The following CNTNAP4 variants were observed in gnomAD, a reference collection of about 807,000 sequenced individuals.
CNTNAP4 encodes contactin-associated protein-like 4.
A neutral mutation model predicts 148.4 loss-of-function variants in CNTNAP4; 98 were observed. That is an observed-to-expected ratio of 0.66 (90% CI 0.56 to 0.78). The LOEUF (loss-of-function observed/expected upper bound fraction) is 0.78. Among genes scored for constraint, CNTNAP4 ranks in the 30% least tolerant of loss-of-function variants. The pLI, the probability that CNTNAP4 is intolerant of heterozygous loss-of-function variation, is 0.00. For missense variants in CNTNAP4, 1,935 were observed against 1,565.6 expected, an observed-to-expected ratio of 1.24 and a Z score of -3.98; for synonymous variants, 730 against 565.1, an observed-to-expected ratio of 1.29 and a Z score of -4.14.
At chr16:76,415,683 C>G (rs13333507) in intron 3 of CNTNAP4, among the ~76,000 whole-genome samples, 57,133 of 150,580 alleles carry the variant, frequency 0.38, 11,037 homozygotes, top group Middle Eastern at 0.49. Flanking sequence ...CATCACCCAA[C>G]AGTTCCTTCA....
chr16:76,421,334 TATACGTGCAGCTCAAA>T (rs1381458071), intron 3 of CNTNAP4, among the ~76,000 whole-genome samples: 2 of 152,078 alleles, frequency 1.3e-5, no homozygotes, highest in Non-Finnish European at 2.9e-5. Context: ...TGAGATGTAT[TATACGTGCAGCTCAAA>T]ACTTAACATT....
intron 2 of CNTNAP4, among the ~76,000 whole-genome samples, chr16:76,334,987 G>A (rs1438748825): frequency 6.6e-6 from 1 of 152,032 alleles, no homozygotes; most frequent in African/African-American, 2.4e-5. Context: ...GTATTGTGTT[G>A]TAGATTGGAA....
At chr16:76,385,365 A>G (rs2016415152) in intron 3 of CNTNAP4, among the ~76,000 whole-genome samples, 1 of 152,234 alleles carries the variant, frequency 6.6e-6, no homozygotes, top group Non-Finnish European at 1.5e-5. Context: ...TTAAGATAGG[A>G]TAAAAATACC....
At chr16:76,525,155 C>T (rs1335410358) in intron 17 of CNTNAP4, among the ~76,000 whole-genome samples, 34 of 151,944 alleles carry the variant, frequency 2.2e-4, no homozygotes, top group Admixed American at 2.2e-3. Context: ...TACAACATTA[C>T]TATCACACAA....
intron 1 of CNTNAP4, among the ~76,000 whole-genome samples, chr16:76,286,136 G>T (rs1267887050): frequency 6.6e-6 from 1 of 151,042 alleles, no homozygotes; most frequent in Non-Finnish European, 1.5e-5. Context: ...GATTGAAAGT[G>T]GTCTTTAAGG....
At chr16:76,341,548 G>C (rs988612060) in intron 2 of CNTNAP4, among the ~76,000 whole-genome samples, 8 of 152,112 alleles carry the variant, frequency 5.3e-5, no homozygotes, top group Non-Finnish European at 1.2e-4. Context: ...TTTTCAGTCC[G>C]AATGAATGGA....
chr16:76,449,409 TAAAA>T (rs1203447773), intron 6 of CNTNAP4, among the ~76,000 whole-genome samples: 3 of 152,188 alleles, frequency 2.0e-5, no homozygotes, highest in African/African-American at 7.2e-5. Flanking sequence ...GTATCTAAAA[TAAAA>T]TATTATAATT....
rs2083528996 is a variant in CNTNAP4, at chr16:76,522,704, TTCTTTTCTTTTCTTTTC to T, written c.2755+449_2755+465del. Among the ~76,000 whole-genome samples, 2 of 27,974 alleles carry T rather than the reference TTCTTTTCTTTTCTTTTC, an allele frequency of 7.1e-5. 1 individual carries two copies. Among genetic ancestry groups the T allele is most frequent in the Admixed American group, 8.3e-4 (2 of 2,400 alleles). The allele number at this position is 27,974 out of a possible 152,430, so 18.4% of individuals were successfully genotyped here. A position where few individuals can be genotyped will look rare whatever the true frequency, so the allele number is the denominator to read the frequency against. The stretch of plus-strand genomic sequence containing the variant: ...TTTCTCTCCTTTCTTTTCTTTTCTT[TTCTTTTCTTTTCTTTTC>T]TTTTCTTTTCTTTTCTTTTCTTTTC... On this transcript the variant is annotated intron_variant, in intron 17 of 23. Transcript: ENST00000611870.
At chr16:76,471,012 A>T (rs539135273) in intron 10 of CNTNAP4, among the ~76,000 whole-genome samples, 2 of 151,112 alleles carry the variant, frequency 1.3e-5, no homozygotes, top group Admixed American at 1.3e-4. Flanking sequence ...ACACACAACC[A>T]TCCTTTTACA....
intron 17 of CNTNAP4, 88 bp downstream of exon 17, chr16:76,522,345 G>A (rs1452978204): frequency 3.7e-6 from 4 of 1,066,756 alleles, no homozygotes; most frequent in Non-Finnish European, 5.5e-6. Context: ...ATAGAAACAA[G>A]GATAATAACA....
At chr16:76,354,338 G>T (rs1464619828) in intron 2 of CNTNAP4, among the ~76,000 whole-genome samples, 1 of 152,090 alleles carries the variant, frequency 6.6e-6, no homozygotes, top group Non-Finnish European at 1.5e-5. Flanking sequence ...ACAGTATTTT[G>T]GTGTGTGTTG....
At chr16:76,471,949 G>A (rs953244867) in intron 10 of CNTNAP4, among the ~76,000 whole-genome samples, 1 of 152,134 alleles carries the variant, frequency 6.6e-6, no homozygotes, top group African/African-American at 2.4e-5. Context: ...ATTAATTCCA[G>A]CAAACCTTTA....
chr16:76,534,088 G>A (rs1345111544), intron 17 of CNTNAP4, among the ~76,000 whole-genome samples: 4 of 152,010 alleles, frequency 2.6e-5, no homozygotes, highest in East Asian at 1.9e-4. Context: ...CATTAAATTC[G>A]GGCCTCATTC....
rs397745852 is a variant in CNTNAP4 at position 76,360,815 on chromosome 16, A to ATT, written c.390+5322_390+5323dup. ...TAATGCCTGGTTAAAACATGGCTGC[A>ATT]TTTTTTTTTTTTTTTTTTTGAGATG... is the stretch of plus-strand genomic sequence containing the variant. On this transcript the variant is annotated intron_variant, in intron 3 of 23. Coordinates refer to ENST00000611870, the MANE Select transcript of CNTNAP4 (RefSeq NM_033401.5). Among the ~76,000 whole-genome samples, 1,218 of 122,250 alleles carry ATT rather than the reference A, an allele frequency of 1.0e-2. 23 individuals carry two copies. The highest frequency in any genetic ancestry group is 0.023 in the African/African-American group (751 of 32,058). The allele number at this position is 122,250 out of a possible 152,430, so 80.2% of individuals were successfully genotyped here. A position where few individuals can be genotyped will look rare whatever the true frequency, so the allele number is the denominator to read the frequency against.
At chr16:76,508,127 T>C (rs570469765) in intron 15 of CNTNAP4, among the ~76,000 whole-genome samples, 2 of 97,862 alleles carry the variant, frequency 2.0e-5, no homozygotes, top group African/African-American at 5.1e-5. Flanking sequence ...GTATTACCTA[T>C]TGCACAAAAG....
intron 3 of CNTNAP4, among the ~76,000 whole-genome samples, chr16:76,398,636 G>A (rs555250856): frequency 1.3e-5 from 2 of 152,090 alleles, no homozygotes; most frequent in East Asian, 1.9e-4. Context: ...TAACATGAGG[G>A]GTGCCGTCAA....
At chr16:76,286,924 G>A (rs1228310692) in intron 1 of CNTNAP4, among the ~76,000 whole-genome samples, 1 of 152,140 alleles carries the variant, frequency 6.6e-6, no homozygotes, top group Non-Finnish European at 1.5e-5. Context: ...TTGGTGATGA[G>A]GGAATTCTAT....
At chr16:76,442,824 C>A (rs2080096864) in intron 4 of CNTNAP4, among the ~76,000 whole-genome samples, 1 of 152,082 alleles carries the variant, frequency 6.6e-6, no homozygotes, top group African/African-American at 2.4e-5. Flanking sequence ...GAACAAATTT[C>A]AATATGAGTT....
intron 1 of CNTNAP4, among the ~76,000 whole-genome samples, chr16:76,304,650 G>A (rs1286613629): frequency 1.3e-5 from 2 of 152,136 alleles, no homozygotes; most frequent in Non-Finnish European, 2.9e-5. Flanking sequence ...TTGTTAAATG[G>A]CTCTCTCAGA....
Sources: gnomAD v4.1 joint callset for allele counts (sites outside exome capture counted in the v4.1 genomes callset) on GRCh38, gnomAD v4.1.1 for gene constraint, MANE v1.5 for transcripts, NCBI Gene and HGNC (gene_info 2026-07-23, HGNC 2026-07-21) for gene names.